The following SGSM3 variants were observed in gnomAD, a reference collection of about 807,000 sequenced individuals.
SGSM3 encodes small G protein signaling modulator 3, also known as RUN and SH3 containing 3.
A neutral mutation model predicts 100.5 loss-of-function variants in SGSM3; 96 were observed. That is an observed-to-expected ratio of 0.96 (90% CI 0.81 to 1.13). The LOEUF (loss-of-function observed/expected upper bound fraction) is 1.13, where lower values mean the gene tolerates loss of function less well. Among genes scored for constraint, SGSM3 ranks in the 50% most tolerant of loss-of-function variants. The probability of loss-of-function intolerance (pLI) is 0.00; values close to 1 mark genes in which losing one functional copy is unlikely to be tolerated. For missense variants in SGSM3, 1,001 were observed against 1,015.8 expected, an observed-to-expected ratio of 0.99 and a Z score of 0.20; for synonymous variants, 483 against 422.8, an observed-to-expected ratio of 1.14 and a Z score of -1.75.
intron 1 of SGSM3, among the ~76,000 whole-genome samples, chr22:40,388,445 G>T (rs1000297489): frequency 6.6e-6 from 1 of 152,234 alleles, no homozygotes; most frequent in Admixed American, 6.5e-5. Flanking sequence ...AGCATAAAGT[G>T]CATTGGAGGC....
At chr22:40,396,600 A>G (rs1734844952) in intron 1 of SGSM3, among the ~76,000 whole-genome samples, 2 of 150,630 alleles carry the variant, frequency 1.3e-5, no homozygotes, top group Admixed American at 1.3e-4. Context: ...CTCAAAAAAA[A>G]AAAAAAAAAA....
chr22:40,391,214 T>A (rs2049319062), intron 1 of SGSM3, among the ~76,000 whole-genome samples: 1 of 152,182 alleles, frequency 6.6e-6, no homozygotes, highest in African/African-American at 2.4e-5. Flanking sequence ...GAGTCTCAGG[T>A]CCTACTCACA....
chr22:40,382,510 A>G (rs1441388979), intron 1 of SGSM3, among the ~76,000 whole-genome samples: 1 of 152,066 alleles, frequency 6.6e-6, no homozygotes, highest in Non-Finnish European at 1.5e-5. Flanking sequence ...TACCTTACCT[A>G]CCTCACAGCA....
Position 40,407,920 on chromosome 22 carries a change from C to A in SGSM3, c.1579+77C>A. 1 of 1,498,362 alleles carries A rather than the reference C, an allele frequency of 6.7e-7. No homozygotes were observed. The highest frequency in any genetic ancestry group is 1.8e-4 in the Middle Eastern group (1 of 5,656). 92.8% of individuals were successfully genotyped at this position (1,498,362 alleles called of 1,614,324 possible). A position where few individuals can be genotyped will look rare whatever the true frequency, so the allele number is the denominator to read the frequency against. On this transcript the variant is annotated intron_variant, in intron 14 of 21. Transcript: ENST00000248929. This position sits in a 1 kb window ranked among gnomAD's most constrained non-coding sequence, Gnocchi z 4.7. Reference sequence around the variant, plus strand: ...CAGAAGACTTGGGTGACCCTGGCCGCCACCAAGCTGTTCTCCTCTATACAC... The same window carrying A: ...CAGAAGACTTGGGTGACCCTGGCCGACACCAAGCTGTTCTCCTCTATACAC...
rs1406820071 is a variant in SGSM3 at position 40,406,446 on chromosome 22, G to C, written c.969G>C (p.Glu323Asp). ...GCCCTGGCATGGCCCAGGAGGAAGA[G>C]CTGATCCAGTCAGAGAACTCGGCCT... Reference protein sequence around the residue: ...TLGMLHLKEEELIQSENSASI... With the variant: ...TLGMLHLKEEDLIQSENSASI... Residue 323 changes from glutamate (E) to aspartate (D), a missense_variant, in exon 10 of 22, where the codon GAG (glutamate) becomes GAC (aspartate). Coordinates refer to ENST00000248929, the MANE Select transcript of SGSM3 (RefSeq NM_015705.6). The C allele has an allele frequency of 2.5e-6, 4 of 1,582,744 alleles. No individual in the cohort carries two copies. The highest frequency in any genetic ancestry group is 3.4e-6 in the Non-Finnish European group (4 of 1,161,438).
Position 40,404,581 on chromosome 22 carries a change from C to T in SGSM3, c.391C>T (p.Leu131=). 6.2e-7 allele frequency: 1 copy of T among 1,613,888 alleles called. No individual in the cohort carries two copies. The highest frequency in any genetic ancestry group is 8.5e-7 in the Non-Finnish European group (1 of 1,179,922). The change falls in exon 6 of 22, where the codon CTG becomes TTG. Residue 131 remains leucine, a synonymous_variant. Coordinates refer to ENST00000248929, the MANE Select transcript of SGSM3 (RefSeq NM_015705.6). ...GCTGTGGATGCGGCTCTCTGGGGCC[C>T]TGCAGAAGAAGAGGAACTCTGAGCT... ...PQLWMRLSGA[L]QKKRNSELSY...
chr22:40,408,507 C>T (rs539730152), intron 16 of SGSM3, 78 bp downstream of exon 16: 5 of 1,593,504 alleles, frequency 3.1e-6, no homozygotes, highest in Admixed American at 3.4e-5. Context: ...TTAGGTCCTT[C>T]CTGCCCCACA....
chr22:40,396,604 A>T (rs2146927308), intron 1 of SGSM3, among the ~76,000 whole-genome samples: 1 of 151,878 alleles, frequency 6.6e-6, no homozygotes, highest in South Asian at 2.1e-4. Flanking sequence ...AAAAAAAAAA[A>T]AAAAAAAAAA....
In SGSM3 at chr22:40,386,562, CTTTTTTT is replaced by C. The variant is rs60319316; in HGVS notation, c.-111-14113_-111-14107del. 1.4e-3 allele frequency among the ~76,000 whole-genome samples: 96 copies of C among 68,364 alleles called. 1 individual carries two copies. Among genetic ancestry groups the C allele is most frequent in the African/African-American group, 2.2e-3 (39 of 17,726 alleles). The allele number at this position is 68,364 out of a possible 152,430, so 44.8% of individuals were successfully genotyped here. ...TTTGACCTCTAGTCCAATTTTCTTA[CTTTTTTT>C]TTTTTTTTTTTTTTTTTTTTAATAA... is the stretch of plus-strand genomic sequence containing the variant. On this transcript the variant is annotated intron_variant, in intron 1 of 21. Transcript: ENST00000248929.
At position 40,407,796 on chromosome 22, in the gene SGSM3, C is replaced by T. The variant is rs775113686; in HGVS notation, c.1532C>T (p.Ser511Phe). 6.2e-7 allele frequency: 1 copy of T among 1,613,864 alleles called. No homozygotes were observed. Among genetic ancestry groups the T allele is most frequent in the East Asian group, 2.2e-5 (1 of 44,890 alleles). The change falls in exon 14 of 22, where the codon TCT (serine) becomes TTT (phenylalanine). Residue 511 changes from serine to phenylalanine, a missense_variant. By Grantham distance (155) the Ser-to-Phe change is radical. Transcript: ENST00000248929. The surrounding 1 kb of genome is among the most constrained non-coding windows in gnomAD (Gnocchi z 4.7). ...GTTTTTCCTCCTGTGCAGATCGTGT[C>T]TCAGAAGGACGAGCACTGCTGGGTG... ...FRKNDIITIVSQKDEHCWVGE... is the reference protein window; with the variant it reads ...FRKNDIITIVFQKDEHCWVGE...
intron 1 of SGSM3, among the ~76,000 whole-genome samples, chr22:40,395,249 T>C (rs934504252): frequency 6.6e-6 from 1 of 152,126 alleles, no homozygotes; most frequent in Admixed American, 6.5e-5. Context: ...CCCATAAACA[T>C]AGATTTATAG....
At chr22:40,382,994 A>G (rs986872348) in intron 1 of SGSM3, among the ~76,000 whole-genome samples, 6 of 152,344 alleles carry the variant, frequency 3.9e-5, no homozygotes, top group South Asian at 2.1e-4. Flanking sequence ...CTGAAATACT[A>G]TGGAAGGTTT....
rs1357441283 is a variant in SGSM3, at chr22:40,410,079, TATAA to T, written c.*326_*329del. The T allele has an allele frequency of 8.1e-7, 1 of 1,235,972 alleles. No homozygotes were observed. The highest frequency in any genetic ancestry group is 1.0e-6 in the Non-Finnish European group (1 of 989,644). 76.6% of individuals were successfully genotyped at this position (1,235,972 alleles called of 1,614,324 possible). A position where few individuals can be genotyped will look rare whatever the true frequency, so the allele number is the denominator to read the frequency against. ...TAGTAGGCTCCTGGCCTCTTTGGTT[TATAA>T]ATAAACTGTGTCTGTCTTTGAGAAA... On this transcript the variant is annotated 3_prime_UTR_variant, in exon 22 of 22. Coordinates refer to ENST00000248929, the MANE Select transcript of SGSM3 (RefSeq NM_015705.6).
rs377050399 is a variant in SGSM3 at position 40,409,683 on chromosome 22, C to T, written c.2174C>T (p.Ala725Val). The change falls in exon 22 of 22, where the codon GCG becomes GTG. Residue 725 changes from alanine (A) to valine (V), a missense_variant and splice_region_variant. By Grantham distance (64) the Ala-to-Val change is moderately conservative (BLOSUM62 0). Transcript: ENST00000248929. ...GGTGAGGGGCTGCCCTGTTTGCAGG[C>T]GCAGCAGCCCCTGAAGGAGGGCGTC... ...QDWELPAKRE[A>V]QQPLKEGVRD... 94 of 1,613,312 alleles carry T rather than the reference C, an allele frequency of 5.8e-5. No individual in the cohort carries two copies. The highest frequency in any genetic ancestry group is 2.5e-4 in the South Asian group (23 of 91,046).
chr22:40,393,768 A>T (rs1274617112), intron 1 of SGSM3, among the ~76,000 whole-genome samples: 1 of 152,212 alleles, frequency 6.6e-6, no homozygotes, highest in Admixed American at 6.5e-5. Flanking sequence ...CTAATATGGC[A>T]GAAGGGCAAG....
Position 40,404,622 on chromosome 22 carries a change from T to C in SGSM3, c.432T>C (p.Ile144=). ...KRNSELSYRE[I]VKNSSNDETI... is the part of the protein sequence containing the mutation. ...ACTCTGAGCTGTCCTACCGCGAGAT[T>C]GTGAAGAACAGCTCCAACGATGAGA... is the stretch of plus-strand genomic sequence containing the variant. The change falls in exon 6 of 22, where the codon ATT becomes ATC. Residue 144 remains isoleucine (I), a synonymous_variant. Coordinates refer to ENST00000248929, the MANE Select transcript of SGSM3 (RefSeq NM_015705.6). 1 of 1,613,610 alleles carries C rather than the reference T, an allele frequency of 6.2e-7. No homozygotes were observed. Among genetic ancestry groups the C allele is most frequent in the Non-Finnish European group, 8.5e-7 (1 of 1,179,838 alleles).
Position 40,407,057 on chromosome 22 carries a change from C to T in SGSM3, c.1226C>T (p.Thr409Ile), listed in dbSNP as rs776259729. ...RRTQRRKSTITALLFGEDDLE... is the reference protein window; with the variant it reads ...RRTQRRKSTIIALLFGEDDLE... ...ACCCAGCGGAGGAAGTCCACCATCA[C>T]TGCTCTGCTCTTCGGTGAGAGCTCT... The change falls in exon 11 of 22, where the codon ACT (threonine) becomes ATT (isoleucine). Residue 409 changes from threonine to isoleucine, a missense_variant. Thr to Ile is a moderately conservative substitution (Grantham distance 89, BLOSUM62 -1). Transcript: ENST00000248929. The surrounding 1 kb of genome is among the most constrained non-coding windows in gnomAD (Gnocchi z 4.7). 8.2e-6 allele frequency: 13 copies of T among 1,591,682 alleles called. No homozygotes were observed. The highest frequency in any genetic ancestry group is 1.1e-5 in the Non-Finnish European group (13 of 1,169,000).
At chr22:40,375,434 G>T (rs1286909050) in intron 1 of SGSM3, among the ~76,000 whole-genome samples, 1 of 151,956 alleles carries the variant, frequency 6.6e-6, no homozygotes, top group Non-Finnish European at 1.5e-5. Flanking sequence ...ACAAAAATTA[G>T]CTGGGTGTGG....
intron 1 of SGSM3, among the ~76,000 whole-genome samples, chr22:40,397,536 G>T (rs560522341): frequency 6.6e-6 from 1 of 152,170 alleles, no homozygotes; most frequent in Non-Finnish European, 1.5e-5. Context: ...CTGCAAGACA[G>T]CCAGAGAGGG....
Sources: gnomAD v4.1 joint callset for allele counts (sites outside exome capture counted in the v4.1 genomes callset) on GRCh38, gnomAD v4.1.1 for gene constraint, Gnocchi (gnomAD v3.1) non-coding constraint, MANE v1.5 for transcripts, NCBI Gene and HGNC (gene_info 2026-07-23, HGNC 2026-07-21) for gene names.